Variants in ECH1 observed in about 807,000 individuals in gnomAD.
ECH1 encodes delta(3,5)-Delta(2,4)-dienoyl-CoA isomerase, mitochondrial.
In ECH1, 30 loss-of-function variants were observed where a neutral mutation model predicts 37.0. The observed-to-expected ratio is 0.81, with a 90% CI of 0.61 to 1.10. The LOEUF is 1.10. Among genes scored for constraint, ECH1 ranks in the 50% least tolerant of loss-of-function variants. The probability of loss-of-function intolerance (pLI) is 0.00; values close to 1 mark genes in which losing one functional copy is unlikely to be tolerated. For synonymous variants in ECH1, 178 were observed against 176.0 expected (o/e 1.01, Z -0.09); for missense variants, 456 against 441.6 (o/e 1.03, Z -0.29).
rs1055525210 is a variant in ECH1 at position 38,817,834 on chromosome 19, A to C, written c.350-259T>G. ...GGTCCTATTACTATTTGTGTTACCA[A>C]TGGGTAAACTAAGGCACAGAGAGGT... is the stretch of plus-strand genomic sequence containing the variant. On this transcript the variant is annotated intron_variant, in intron 3 of 9. Coordinates refer to ENST00000221418, the MANE Select transcript of ECH1 (RefSeq NM_001398.3). 4 of 874,588 alleles carry C rather than the reference A, an allele frequency of 4.6e-6. No individual in the cohort carries two copies. The Admixed American group carries it at 1.9e-4, about 41-fold the overall frequency. 54.2% of individuals were successfully genotyped at this position (874,588 alleles called of 1,614,324 possible).
intron 9 of ECH1, 21 bp from the exon 10 acceptor site, chr19:38,815,738 A>G (rs369819365): frequency 3.1e-6 from 5 of 1,614,106 alleles, no homozygotes; most frequent in Non-Finnish European, 4.2e-6. Context: ...GGGTGTTGAG[A>G]GAGAACGAGG....
At chr19:38,820,052 AC>A in intron 3 of ECH1, 55 of 215,156 alleles carry the variant, frequency 2.6e-4, no homozygotes, top group Non-Finnish European at 3.2e-4. Flanking sequence ...AGTCCCCCTT[AC>A]TTTTTTTTTT....
rs1218574799 is a variant in ECH1, at chr19:38,817,576, CTGG to C, written c.350-4_350-2del. The stretch of plus-strand genomic sequence containing the variant: ...GAAGCCATGTCCATCAGGTCAATAC[CTGG>C]TGAGAAGGCATGATGGAGCTCATCC... On this transcript the variant is annotated splice_acceptor_variant and splice_polypyrimidine_tract_variant and intron_variant, in intron 3 of 9. Transcript: ENST00000221418. LOFTEE classifies it high-confidence loss of function. The C allele has an allele frequency of 6.3e-7, 1 of 1,594,300 alleles. No homozygotes were observed. Among genetic ancestry groups the C allele is most frequent in the Non-Finnish European group, 8.6e-7 (1 of 1,164,572 alleles).
chr19:38,816,160 T>G (rs1240899819), intron 8 of ECH1, 124 bp downstream of exon 8: 11 of 1,477,840 alleles, frequency 7.4e-6, no homozygotes, highest in African/African-American at 1.4e-5. Flanking sequence ...AATAAAGAAA[T>G]GAGCTCACCA....
chr19:38,830,259 G>C (rs1213426630), intron 3 of ECH1, among the ~76,000 whole-genome samples: 1 of 152,188 alleles, frequency 6.6e-6, no homozygotes, highest in Non-Finnish European at 1.5e-5. Flanking sequence ...AGGTCAGTGG[G>C]TCAATCCAAA....
In ECH1 at chr19:38,831,453, T is replaced by TGTGCAGAGGAGCCAGTGAGGCGA; in HGVS notation, c.93_115dup (p.Gln39LeufsTer15). 1 of 1,614,090 alleles carries TGTGCAGAGGAGCCAGTGAGGCGA rather than the reference T, an allele frequency of 6.2e-7. No individual in the cohort carries two copies. On this transcript the variant is annotated frameshift_variant, in exon 2 of 10. Transcript: ENST00000221418. LOFTEE classifies it high-confidence loss of function. ...GAGGGCTACTCCGGAAGCCTCCTCT[T>TGTGCAGAGGAGCCAGTGAGGCGA]GTGCAGAGGAGCCAGTGAGGCGAAG...
Position 38,817,588 on chromosome 19 carries a change from C to T in ECH1, c.350-13G>A, listed in dbSNP as rs1568356878. 7 of 1,581,082 alleles carry T rather than the reference C, an allele frequency of 4.4e-6. No individual in the cohort carries two copies. Among genetic ancestry groups the T allele is most frequent in the Non-Finnish European group, 6.1e-6 (7 of 1,155,522 alleles). The stretch of plus-strand genomic sequence containing the variant: ...ATCAGGTCAATACCTGGTGAGAAGG[C>T]ATGATGGAGCTCATCCAGGCTCCCA... On this transcript the variant is annotated splice_polypyrimidine_tract_variant and intron_variant, in intron 3 of 9. Transcript: ENST00000221418.
chr19:38,828,589 G>A (rs1486684700), intron 3 of ECH1, among the ~76,000 whole-genome samples: 1 of 151,584 alleles, frequency 6.6e-6, no homozygotes, highest in African/African-American at 2.4e-5. Context: ...CCCAGATGTT[G>A]AGATTAGAAG....
intron 3 of ECH1, among the ~76,000 whole-genome samples, chr19:38,830,565 G>A (rs895846042): frequency 6.6e-6 from 1 of 151,300 alleles, no homozygotes; most frequent in Non-Finnish European, 1.5e-5. Flanking sequence ...TGGGAGAATC[G>A]CTTGACCTCA....
chr19:38,820,116 A>G (rs1301968392), intron 3 of ECH1: 1 of 360,326 alleles, frequency 2.8e-6, no homozygotes, highest in Non-Finnish European at 3.5e-6. Context: ...GCTGGCGTGT[A>G]GTGGCGCGAT....
rs768462404 is a variant in ECH1, at chr19:38,831,186, G to A, written c.261-20C>T. ...ATCTCTCTGTGAAGCAACGAGTGAA[G>A]GGTTACAAATGGGGCGGGAATACCC... is the stretch of plus-strand genomic sequence containing the variant. On this transcript the variant is annotated intron_variant, in intron 2 of 9. Transcript: ENST00000221418. The A allele has an allele frequency of 9.3e-6, 15 of 1,613,854 alleles. No individual in the cohort carries two copies. In the African/African-American group the frequency reaches 1.5e-4, roughly 16 times the overall value.
At chr19:38,829,771 G>A (rs1001430739) in intron 3 of ECH1, among the ~76,000 whole-genome samples, 2 of 150,286 alleles carry the variant, frequency 1.3e-5, no homozygotes, top group African/African-American at 2.5e-5. Flanking sequence ...AGCCGAGATC[G>A]CACCACTGCA....
At chr19:38,816,887 T>G (rs1027359537) in intron 6 of ECH1, 178 bp downstream of exon 6, 1 of 737,282 alleles carries the variant, frequency 1.4e-6, no homozygotes. Context: ...CCTGCCAGCC[T>G]CAACCCCACC....
intron 3 of ECH1, among the ~76,000 whole-genome samples, chr19:38,826,702 C>T (rs1352168927): frequency 6.6e-6 from 1 of 152,168 alleles, no homozygotes; most frequent in African/African-American, 2.4e-5. Flanking sequence ...CTTTGAGGAT[C>T]CCACAGACCA....
chr19:38,825,259 A>T (rs1971722374), intron 3 of ECH1, among the ~76,000 whole-genome samples: 1 of 152,230 alleles, frequency 6.6e-6, no homozygotes, highest in African/African-American at 2.4e-5. Flanking sequence ...ACCTTGACTT[A>T]GATCATGGGG....
rs2145368799 is a variant in ECH1 at position 38,816,342 on chromosome 19, G to C, written c.673C>G (p.Leu225Val). The C allele has an allele frequency of 2.5e-6, 4 of 1,613,884 alleles. No individual in the cohort carries two copies. The highest frequency in any genetic ancestry group is 3.4e-6 in the Non-Finnish European group (4 of 1,179,992). The change falls in exon 8 of 10, where the codon CTG (leucine) becomes GTG (valine). Residue 225 changes from leucine (L) to valine (V), a missense_variant. Coordinates refer to ENST00000221418, the MANE Select transcript of ECH1 (RefSeq NM_001398.3). The stretch of plus-strand genomic sequence containing the variant: ...ATCATCTTGCGGGCGGTGAAGGCCA[G>C]CTCGTTGACCAGGCTGCAAAGGCAA... ...VIGNQSLVNELAFTARKMMAD... is the reference protein window; with the variant it reads ...VIGNQSLVNEVAFTARKMMAD...
intron 3 of ECH1, among the ~76,000 whole-genome samples, chr19:38,821,296 A>C (rs887242969): frequency 1.3e-5 from 2 of 152,076 alleles, no homozygotes; most frequent in Admixed American, 6.5e-5. Context: ...TGACAGAGGG[A>C]GACCCTGTCT....
At chr19:38,830,859 G>A in intron 3 of ECH1, 1 of 563,390 alleles carries the variant, frequency 1.8e-6, no homozygotes, top group Admixed American at 3.1e-5. Flanking sequence ...TGTAGTCCCA[G>A]ACAGAAGAAT....
In ECH1 at chr19:38,824,912, G is replaced by C. The variant is rs547749184; in HGVS notation, c.349+6166C>G. Among the ~76,000 whole-genome samples, 3 of 152,252 alleles carry C rather than the reference G, an allele frequency of 2.0e-5. No homozygotes were observed. The East Asian group carries it at 5.8e-4, about 29-fold the overall frequency. Reference sequence around the variant, plus strand: ...TTGGTTATGTCCCCTTCAAGCTGTAGGGGGAGGGGAATTTGGTCCCACCCG... The same window carrying C: ...TTGGTTATGTCCCCTTCAAGCTGTACGGGGAGGGGAATTTGGTCCCACCCG... On this transcript the variant is annotated intron_variant, in intron 3 of 9. Transcript: ENST00000221418.
Sources: allele counts gnomAD v4.1 joint callset (sites outside exome capture counted in the v4.1 genomes callset), GRCh38; gene constraint gnomAD v4.1.1; transcripts MANE v1.5; gene names NCBI Gene and HGNC (gene_info 2026-07-23, HGNC 2026-07-21).